CTNND1: variants seen among roughly 807,000 people sequenced by gnomAD.
CTNND1 encodes the protein catenin delta-1.
CTNND1 carries 16 observed loss-of-function variants against 112.1 expected under a neutral mutation model. The ratio of observed to expected loss-of-function variants is 0.14; its 90% CI spans 0.10 to 0.22. The LOEUF is 0.22. CTNND1 is among the 10% of genes least tolerant of loss of function. CTNND1 has a pLI of 1.00. For missense variants in CTNND1, 1,008 were observed against 1,257.0 expected, an observed-to-expected ratio of 0.80 and a Z score of 3.00; for synonymous variants, 420 against 446.5, an observed-to-expected ratio of 0.94 and a Z score of 0.75.
At position 57,815,994 on chromosome 11, in the gene CTNND1, C is replaced by T; in HGVS notation, c.2888C>T (p.Pro963Leu). Residue 963 changes from proline (P) to leucine (L), a missense_variant, in exon 20 of 21, where the codon CCC (proline) becomes CTC (leucine). Around this residue, in one of 5 missense-constraint regions of CTNND1, gnomAD observed 106 missense variants for 116.2 expected, o/e 0.91. Coordinates refer to ENST00000399050, the MANE Select transcript of CTNND1 (RefSeq NM_001085458.2). ...LDDEGGQVSYPSMQKI is the reference protein window; with the variant it reads ...LDDEGGQVSYLSMQKI ...GATGAGGGGGGCCAAGTGTCTTACC[C>T]CTCCATGGTATGTCCTTCAGTCACC... The T allele has an allele frequency of 6.3e-7, 1 of 1,583,448 alleles. No individual in the cohort carries two copies. The highest frequency in any genetic ancestry group is 1.4e-5 in the African/African-American group (1 of 73,094).
intron 17 of CTNND1, among the ~76,000 whole-genome samples, chr11:57,812,903 CAAAAACG>C (rs975297215): frequency 6.6e-6 from 1 of 152,190 alleles, no homozygotes; most frequent in African/African-American, 2.4e-5. Flanking sequence ...GACATTTTCT[CAAAAACG>C]AATGCGATAA....
chr11:57,787,577 A>G (rs529654810), intron 1 of CTNND1, among the ~76,000 whole-genome samples: 8 of 152,226 alleles, frequency 5.3e-5, no homozygotes, highest in Non-Finnish European at 7.4e-5. Context: ...TTTTTCCCCA[A>G]TTTGGTTCCT....
At chr11:57,799,214 C>T (rs2061711988) in intron 6 of CTNND1, among the ~76,000 whole-genome samples, 2 of 152,194 alleles carry the variant, frequency 1.3e-5, no homozygotes, top group Non-Finnish European at 2.9e-5. Context: ...AGCACCAGAC[C>T]TCGGCTGGTG....
rs988478232 is a variant in CTNND1 at position 57,783,423 on chromosome 11, G to C, written c.-213-5614G>C. Among the ~76,000 whole-genome samples the C allele has an allele frequency of 5.9e-5, 9 of 152,324 alleles. No individual in the cohort carries two copies. In the South Asian group the frequency reaches 1.0e-3, roughly 18 times the overall value. On this transcript the variant is annotated intron_variant, in intron 1 of 20. Coordinates refer to ENST00000399050, the MANE Select transcript of CTNND1 (RefSeq NM_001085458.2). ...GCCTGTAATCCCAGCACTTTGGAAG[G>C]CCGCGGCGGGTGGATCACGAGGTCA...
chr11:57,806,659 C>T (rs1172251801), intron 11 of CTNND1, 181 bp downstream of exon 11: 2 of 649,260 alleles, frequency 3.1e-6, no homozygotes, highest in Non-Finnish European at 5.4e-6. Context: ...TGTTTCTGGG[C>T]AGCAGTCCCC....
At chr11:57,790,379 T>G (rs1253255561) in intron 2 of CTNND1, among the ~76,000 whole-genome samples, 1 of 151,344 alleles carries the variant, frequency 6.6e-6, no homozygotes, top group Non-Finnish European at 1.5e-5. Context: ...TTTCATTTCT[T>G]TCTTTCTTTT....
intron 15 of CTNND1, among the ~76,000 whole-genome samples, 156 bp downstream of exon 15, chr11:57,809,622 T>G (rs1220046564): frequency 4.6e-5 from 7 of 152,252 alleles, no homozygotes; most frequent in Admixed American, 3.3e-4. Flanking sequence ...ATCCATAAAT[T>G]GATAATAGAT....
chr11:57,803,971 T>C lies in CTNND1; in HGVS notation c.1604+167T>C, dbSNP rs144276531. 5.6e-6 allele frequency: 3 copies of C among 537,422 alleles called. No individual in the cohort carries two copies. The African/African-American group carries it at 5.8e-5, about 10-fold the overall frequency. 33.3% of individuals were successfully genotyped at this position (537,422 alleles called of 1,614,324 possible). A position where few individuals can be genotyped will look rare whatever the true frequency, so the allele number is the denominator to read the frequency against. ...TTCTATCTTTGTTGCTATTCTCTCA[T>C]GTATACCACATGTACCTATATCAGT... On this transcript the variant is annotated intron_variant, in intron 8 of 20. Transcript: ENST00000399050.
At position 57,818,165 on chromosome 11, in the gene CTNND1, T is replaced by C. The variant is rs1449210845; in HGVS notation, c.*1857T>C. 1 of 152,158 alleles carries C rather than the reference T, an allele frequency of 6.6e-6. No homozygotes were observed. The highest frequency in any genetic ancestry group is 2.4e-5 in the African/African-American group (1 of 41,288). The allele number at this position is 152,158 out of a possible 1,614,324, so 9.4% of individuals were successfully genotyped here. On this transcript the variant is annotated 3_prime_UTR_variant, in exon 21 of 21. Transcript: ENST00000399050. ...TCCAGACCTGGCTCCACTCTTGATCTCTCTTGTCCTCTTCTGCTCTTTTCC... is the reference window on the plus strand; with the variant it reads ...TCCAGACCTGGCTCCACTCTTGATCCCTCTTGTCCTCTTCTGCTCTTTTCC...
chr11:57,806,641 C>A, intron 11 of CTNND1, 163 bp downstream of exon 11: 1 of 680,168 alleles, frequency 1.5e-6, no homozygotes, highest in Non-Finnish European at 2.6e-6. Flanking sequence ...TAATAGCTCA[C>A]GGCATGCTGT....
rs623541 is a variant in CTNND1 at position 57,814,141 on chromosome 11, C to A, written c.2639-170C>A. On this transcript the variant is annotated intron_variant, in intron 17 of 20. Transcript: ENST00000399050. ...ACCAGCCTGAGCAACATAGTGAGAC[C>A]TCATCTCTACAAAAAGCTTAAAAAT... 343,862 of 589,734 alleles carry A rather than the reference C, an allele frequency of 0.58. 104,542 individuals carry two copies. Among genetic ancestry groups the A allele is most frequent in the East Asian group, 0.9 (30,371 of 33,922 alleles). The allele number at this position is 589,734 out of a possible 1,614,324, so 36.5% of individuals were successfully genotyped here.
At chr11:57,797,085 G>C in intron 6 of CTNND1, 93 bp downstream of exon 6, 1 of 1,165,718 alleles carries the variant, frequency 8.6e-7, no homozygotes, top group East Asian at 2.6e-5. Flanking sequence ...TTTGGGATCA[G>C]AGATACTCGT....
intron 1 of CTNND1, among the ~76,000 whole-genome samples, chr11:57,768,703 C>T (rs1340935532): frequency 1.3e-5 from 2 of 151,878 alleles, no homozygotes; most frequent in Non-Finnish European, 2.9e-5. Flanking sequence ...AGACATCATT[C>T]TGTATTTGCA....
At chr11:57,772,509 G>A (rs1259952659) in intron 1 of CTNND1, among the ~76,000 whole-genome samples, 1 of 152,044 alleles carries the variant, frequency 6.6e-6, no homozygotes, top group African/African-American at 2.4e-5. Flanking sequence ...CACCATATCC[G>A]TATTTCTGTC....
chr11:57,777,097 T>TA (rs1954463229), intron 1 of CTNND1, among the ~76,000 whole-genome samples: 4 of 152,214 alleles, frequency 2.6e-5, no homozygotes, highest in Admixed American at 2.6e-4. Context: ...GTTAGTCTGA[T>TA]ACCATGCCAA....
chr11:57,791,026 T>C (rs1406334938), intron 2 of CTNND1, among the ~76,000 whole-genome samples: 2 of 152,200 alleles, frequency 1.3e-5, no homozygotes, highest in East Asian at 3.9e-4. Flanking sequence ...TGCTTGTCTG[T>C]ACCATTGGAG....
intron 5 of CTNND1, 55 bp from the exon 6 acceptor site, chr11:57,796,402 A>G (rs2061368517): frequency 1.4e-6 from 2 of 1,477,598 alleles, no homozygotes; most frequent in South Asian, 2.8e-5. Flanking sequence ...AAAAAAAAGA[A>G]TTTAATTGCT....
In CTNND1 at chr11:57,788,343, T is replaced by C. The variant is rs916124273; in HGVS notation, c.-213-694T>C. ...AAAGGAAGAAGAGTTGATAGGCGAT[T>C]ATGGGAACTTCGAGCTGGGGTAGGA... On this transcript the variant is annotated intron_variant, in intron 1 of 20. Transcript: ENST00000399050. The surrounding 1 kb of genome is among the most constrained non-coding windows in gnomAD (Gnocchi z 4.1). 6.6e-5 allele frequency among the ~76,000 whole-genome samples: 10 copies of C among 152,110 alleles called. No homozygotes were observed. The highest frequency in any genetic ancestry group is 1.5e-4 in the Non-Finnish European group (10 of 68,012).
rs552824782 is a variant in CTNND1, at chr11:57,765,212, A to G, written c.-214+3093A>G. The stretch of plus-strand genomic sequence containing the variant: ...ATATTCTTGTCTTTCCCTCTAGACT[A>G]TGAGCAGCTTGGGTGTAGGTACTGT... On this transcript the variant is annotated intron_variant, in intron 1 of 20. Transcript: ENST00000399050. Among the ~76,000 whole-genome samples the G allele has an allele frequency of 9.9e-5, 15 of 152,258 alleles. No individual in the cohort carries two copies. In the East Asian group the frequency reaches 2.1e-3, roughly 22 times the overall value.
Sources: allele counts gnomAD v4.1 joint callset (sites outside exome capture counted in the v4.1 genomes callset), GRCh38; gene constraint gnomAD v4.1.1; regional missense constraint gnomAD v4.1.1; non-coding constraint Gnocchi (gnomAD v3.1); transcripts MANE v1.5; gene names NCBI Gene and HGNC (gene_info 2026-07-23, HGNC 2026-07-21).